TENM4: variants seen among roughly 807,000 people sequenced by gnomAD.
The protein encoded by TENM4 is teneurin transmembrane protein 4.
Under a neutral mutation model 243.3 loss-of-function variants are expected in TENM4, and 82 were observed. The observed-to-expected ratio is 0.34, with a 90% CI of 0.28 to 0.40. TENM4 has a LOEUF of 0.40. Ranked by LOEUF, TENM4 falls within the 10% of genes least tolerant of loss-of-function variation. TENM4 has a pLI of 1.00. For missense variants in TENM4, 3,138 were observed against 3,673.3 expected (o/e 0.85, Z 3.77); for synonymous variants, 1,412 against 1,456.3 (o/e 0.97, Z 0.69).
chr11:78,806,945 C>G (rs948619908), intron 14 of TENM4, among the ~76,000 whole-genome samples: 1 of 152,162 alleles, frequency 6.6e-6, no homozygotes, highest in African/African-American at 2.4e-5. Context: ...GTGGAATCAT[C>G]CAGTATTTAT....
rs10647135 is a variant in TENM4, at chr11:79,061,965, AT to A, written c.493+2772del. 7.8e-3 allele frequency among the ~76,000 whole-genome samples: 1,114 copies of A among 143,244 alleles called. 45 individuals are homozygous for A. The highest frequency in any genetic ancestry group is 0.063 in the Admixed American group (918 of 14,520). 94.0% of individuals were successfully genotyped at this position (143,244 alleles called of 152,430 possible). ...TAGGTTGAGATAATCGGTGGCAACT[AT>A]TTTTTTTTTTTTTTTGACAGAGTCT... is the stretch of plus-strand genomic sequence containing the variant. On this transcript the variant is annotated intron_variant, in intron 6 of 33. Coordinates refer to ENST00000278550, the MANE Select transcript of TENM4 (RefSeq NM_001098816.3).
intron 6 of TENM4, among the ~76,000 whole-genome samples, chr11:79,017,114 A>T (rs1294892187): frequency 6.6e-6 from 1 of 152,212 alleles, no homozygotes; most frequent in African/African-American, 2.4e-5. Context: ...GACGAGAATG[A>T]TGGAGGAGAT....
At chr11:79,421,966 T>C (rs1017903438) in intron 1 of TENM4, among the ~76,000 whole-genome samples, 8 of 152,104 alleles carry the variant, frequency 5.3e-5, no homozygotes, top group Non-Finnish European at 7.4e-5. Context: ...CTGGCTAGAC[T>C]GTGAGGGAAG....
chr11:79,088,585 G>A (rs150263916), intron 4 of TENM4, among the ~76,000 whole-genome samples: 1 of 152,236 alleles, frequency 6.6e-6, no homozygotes, highest in Non-Finnish European at 1.5e-5. Flanking sequence ...GTTGTTGGGG[G>A]GACTGAGTGA....
intron 27 of TENM4, among the ~76,000 whole-genome samples, chr11:78,705,925 G>A (rs1371126534): frequency 6.6e-6 from 1 of 152,182 alleles, no homozygotes; most frequent in Non-Finnish European, 1.5e-5. Flanking sequence ...GTTTTTTGTG[G>A]ATTTTAAAGG....
rs769655667 is a variant in TENM4, at chr11:79,438,250, C to T, written c.-321+2259G>A. ...CTGGGGTGGCTTATCCCCCTACAGA[C>T]GAAAATCAAGATTTAAAAGCATACT... On this transcript the variant is annotated intron_variant, in intron 1 of 33. Coordinates refer to ENST00000278550, the MANE Select transcript of TENM4 (RefSeq NM_001098816.3). The surrounding 1 kb of genome is among the most constrained non-coding windows in gnomAD (Gnocchi z 4.1). 1.6e-4 allele frequency among the ~76,000 whole-genome samples: 25 copies of T among 152,204 alleles called. No homozygotes were observed. The highest frequency in any genetic ancestry group is 2.8e-4 in the Non-Finnish European group (19 of 68,016).
At chr11:78,805,737 A>G (rs1015051263) in intron 14 of TENM4, among the ~76,000 whole-genome samples, 5 of 152,180 alleles carry the variant, frequency 3.3e-5, no homozygotes, top group African/African-American at 1.2e-4. Flanking sequence ...CTCAAGCATC[A>G]GCATAGCACT....
intron 4 of TENM4, among the ~76,000 whole-genome samples, chr11:79,119,378 CTTG>C (rs955499457): frequency 4.0e-5 from 6 of 150,988 alleles, no homozygotes; most frequent in Admixed American, 3.3e-4. Flanking sequence ...CATTATTGTC[CTTG>C]TTGTTATAAA....
At chr11:79,391,616 G>T (rs1858234754) in intron 1 of TENM4, among the ~76,000 whole-genome samples, 1 of 152,094 alleles carries the variant, frequency 6.6e-6, no homozygotes, top group Non-Finnish European at 1.5e-5. Context: ...AACTCATTGG[G>T]TGAAAAACCT....
chr11:79,397,676 A>G (rs1471395541), intron 1 of TENM4, among the ~76,000 whole-genome samples: 1 of 152,208 alleles, frequency 6.6e-6, no homozygotes, highest in Admixed American at 6.5e-5. Context: ...GGAAGGCAAA[A>G]GCCAGGAAGG....
intron 6 of TENM4, among the ~76,000 whole-genome samples, chr11:79,022,375 C>T (rs1858952671): frequency 6.6e-6 from 1 of 152,118 alleles, no homozygotes; most frequent in Non-Finnish European, 1.5e-5. Context: ...CATCCACAGA[C>T]CTTCAAAGGA....
At chr11:79,439,433 T>G (rs1244177448) in intron 1 of TENM4, among the ~76,000 whole-genome samples, 1 of 151,970 alleles carries the variant, frequency 6.6e-6, no homozygotes, top group Non-Finnish European at 1.5e-5. Flanking sequence ...CGCGGGTGCA[T>G]AAATCGCCTT....
At chr11:78,727,544 C>T (rs1023705709) in intron 22 of TENM4, among the ~76,000 whole-genome samples, 15 of 151,654 alleles carry the variant, frequency 9.9e-5, no homozygotes, top group Non-Finnish European at 1.5e-4. Context: ...TTTTTATTAA[C>T]GACTATGGTG....
chr11:78,861,180 C>T lies in TENM4; in HGVS notation c.1255+1782G>A, dbSNP rs186921692. Among the ~76,000 whole-genome samples, 72 of 152,348 alleles carry T rather than the reference C, an allele frequency of 4.7e-4. 1 individual carries two copies. The East Asian group carries it at 0.01, about 22-fold the overall frequency. ...ACGCTAGAAGCTGACATGGGCACCACGAGCCAAAAGGCAGGACCATGGACA... is the reference window on the plus strand; with the variant it reads ...ACGCTAGAAGCTGACATGGGCACCATGAGCCAAAAGGCAGGACCATGGACA... On this transcript the variant is annotated intron_variant, in intron 10 of 33. Coordinates refer to ENST00000278550, the MANE Select transcript of TENM4 (RefSeq NM_001098816.3).
chr11:79,112,694 C>T (rs1332334314), intron 4 of TENM4, among the ~76,000 whole-genome samples: 1 of 152,148 alleles, frequency 6.6e-6, no homozygotes, highest in Non-Finnish European at 1.5e-5. Flanking sequence ...CCCTGGTTTC[C>T]TCATTGGTCA....
chr11:78,672,910 CCT>C (rs1438834717), intron 30 of TENM4, among the ~76,000 whole-genome samples: 2 of 151,966 alleles, frequency 1.3e-5, no homozygotes, highest in African/African-American at 2.4e-5. Flanking sequence ...CTTCCCAGCC[CCT>C]GTCGGGTGTC....
At position 78,765,672 on chromosome 11, in the gene TENM4, C is replaced by T. The variant is rs369680573; in HGVS notation, c.2539+5320G>A. On this transcript the variant is annotated intron_variant, in intron 18 of 33. Coordinates refer to ENST00000278550, the MANE Select transcript of TENM4 (RefSeq NM_001098816.3). ...GGTTCCAATCTAATCCTAGCTCTCC[C>T]GCTGAGCCACTGTGTGACTTTGGGC... 1.4e-4 allele frequency among the ~76,000 whole-genome samples: 21 copies of T among 152,308 alleles called. No homozygotes were observed. The South Asian group carries it at 3.5e-3, about 26-fold the overall frequency.
chr11:78,701,165 A>G (rs1014842169), intron 28 of TENM4, among the ~76,000 whole-genome samples: 5 of 152,174 alleles, frequency 3.3e-5, no homozygotes, highest in Non-Finnish European at 5.9e-5. Context: ...CAGTGGTCAT[A>G]TGAAGATGCT....
chr11:79,416,205 T>G (rs1213886046), intron 1 of TENM4, among the ~76,000 whole-genome samples: 4 of 152,220 alleles, frequency 2.6e-5, no homozygotes. Flanking sequence ...CAAACATTCT[T>G]GTACAGGTCT....
Sources: gnomAD v4.1 joint callset for allele counts (sites outside exome capture counted in the v4.1 genomes callset) on GRCh38, gnomAD v4.1.1 for gene constraint, Gnocchi (gnomAD v3.1) non-coding constraint, MANE v1.5 for transcripts, NCBI Gene and HGNC (gene_info 2026-07-23, HGNC 2026-07-21) for gene names.